The following CTNNA3 variants were observed in gnomAD, a reference collection of about 807,000 sequenced individuals.
CTNNA3 encodes catenin alpha 3.
Under a neutral mutation model 95.7 loss-of-function variants are expected in CTNNA3, and 76 were observed. The ratio of observed to expected loss-of-function variants is 0.79; its 90% CI spans 0.66 to 0.96. The LOEUF (loss-of-function observed/expected upper bound fraction) is 0.96, where lower values mean the gene tolerates loss of function less well. CTNNA3 is among the 40% of genes least tolerant of loss of function. The pLI, the probability that CTNNA3 is intolerant of heterozygous loss-of-function variation, is 0.00. For synonymous variants in CTNNA3, 431 were observed against 374.4 expected (o/e 1.15, Z -1.74); for missense variants, 1,191 against 1,089.8 (o/e 1.09, Z -1.31).
At chr10:66,528,111 C>A (rs1841333911) in intron 10 of CTNNA3, among the ~76,000 whole-genome samples, 1 of 152,106 alleles carries the variant, frequency 6.6e-6, no homozygotes, top group African/African-American at 2.4e-5. Context: ...CACGCTCGCT[C>A]ATAAGGGCTG....
Position 66,403,497 on chromosome 10 carries a change from C to A in CTNNA3, c.1532-24145G>T, listed in dbSNP as rs117936772. ...GGGGCAACTGCCAAACACTTTTAAA[C>A]CATCAGATCTCATGAGAACTGACTC... On this transcript the variant is annotated intron_variant, in intron 11 of 17. Transcript: ENST00000433211. 2.0e-3 allele frequency among the ~76,000 whole-genome samples: 312 copies of A among 152,246 alleles called. 7 individuals are homozygous for A. The East Asian group carries it at 0.045, about 22-fold the overall frequency.
At chr10:67,300,681 T>C (rs1201959215) in intron 5 of CTNNA3, among the ~76,000 whole-genome samples, 1 of 152,206 alleles carries the variant, frequency 6.6e-6, no homozygotes, top group Non-Finnish European at 1.5e-5. Flanking sequence ...GACCAACATA[T>C]TAAACCCTAA....
At chr10:67,575,478 T>A (rs529915765) in intron 3 of CTNNA3, among the ~76,000 whole-genome samples, 11 of 152,290 alleles carry the variant, frequency 7.2e-5, no homozygotes, top group African/African-American at 2.6e-4. Context: ...TCAAATTATG[T>A]TGTGAAAAAA....
chr10:66,274,926 T>A (rs2091359063), intron 13 of CTNNA3, among the ~76,000 whole-genome samples: 2 of 152,254 alleles, frequency 1.3e-5, no homozygotes, highest in Admixed American at 6.5e-5. Flanking sequence ...GTATTATAAT[T>A]TTCAGAGTAT....
intron 5 of CTNNA3, among the ~76,000 whole-genome samples, chr10:67,233,156 C>T (rs1052423861): frequency 6.6e-5 from 10 of 152,134 alleles, no homozygotes; most frequent in Admixed American, 1.3e-4. Context: ...CCGCACCAAG[C>T]GGACCTAATA....
intron 13 of CTNNA3, among the ~76,000 whole-genome samples, chr10:66,129,378 TG>T (rs1323963145): frequency 6.6e-6 from 1 of 152,174 alleles, no homozygotes; most frequent in African/African-American, 2.4e-5. Context: ...ACCATGGCAT[TG>T]GAGTTGCCAG....
At position 67,306,345 on chromosome 10, in the gene CTNNA3, T is replaced by C. The variant is rs984591079; in HGVS notation, c.580-86475A>G. Among the ~76,000 whole-genome samples, 10 of 152,286 alleles carry C rather than the reference T, an allele frequency of 6.6e-5. No homozygotes were observed. The South Asian group carries it at 2.1e-3, about 32-fold the overall frequency. On this transcript the variant is annotated intron_variant, in intron 5 of 17. Transcript: ENST00000433211. ...AGACACTACTGACACAAAATGTCTT[T>C]TAAATAATATGTTGGAATAAACTCC...
chr10:65,948,647 T>C (rs2077562080), intron 17 of CTNNA3, among the ~76,000 whole-genome samples: 1 of 152,206 alleles, frequency 6.6e-6, no homozygotes, highest in Admixed American at 6.5e-5. Context: ...TGAAATTTAA[T>C]GTAACTTCAG....
At chr10:66,347,041 A>G (rs1388974159) in intron 12 of CTNNA3, among the ~76,000 whole-genome samples, 2 of 152,244 alleles carry the variant, frequency 1.3e-5, no homozygotes, top group Admixed American at 1.3e-4. Flanking sequence ...CCTGAAAAAA[A>G]TTCATGTACT....
intron 12 of CTNNA3, among the ~76,000 whole-genome samples, chr10:66,333,659 A>C (rs2092359228): frequency 6.6e-6 from 1 of 151,690 alleles, no homozygotes; most frequent in South Asian, 2.1e-4. Context: ...CTATGTGGTC[A>C]ATTTTGGAAT....
intron 1 of CTNNA3, among the ~76,000 whole-genome samples, chr10:67,653,621 A>T (rs1839938207): frequency 6.6e-6 from 1 of 152,150 alleles, no homozygotes; most frequent in Non-Finnish European, 1.5e-5. Flanking sequence ...TTTATGTCAT[A>T]TATAGTCCCT....
In CTNNA3 at chr10:66,118,474, C is replaced by A. The variant is rs185286013; in HGVS notation, c.1885-15225G>T. ...TTCTTAAAATCAATCATTCTTTTTA[C>A]AACATGACCGAAATAAGTCCCAGGC... On this transcript the variant is annotated intron_variant, in intron 13 of 17. Transcript: ENST00000433211. 4.6e-5 allele frequency: 7 copies of A among 152,286 alleles called. No individual in the cohort carries two copies. In the East Asian group the frequency reaches 1.3e-3, roughly 29 times the overall value. The allele number at this position is 152,286 out of a possible 1,614,324, so 9.4% of individuals were successfully genotyped here. A position where few individuals can be genotyped will look rare whatever the true frequency, so the allele number is the denominator to read the frequency against.
At chr10:67,527,922 G>A (rs1840199852) in intron 4 of CTNNA3, among the ~76,000 whole-genome samples, 1 of 152,186 alleles carries the variant, frequency 6.6e-6, no homozygotes, top group Admixed American at 6.5e-5. Flanking sequence ...GAAAAACACT[G>A]GGAAAGCTTC....
At chr10:67,045,429 G>C (rs986776540) in intron 7 of CTNNA3, among the ~76,000 whole-genome samples, 4 of 151,966 alleles carry the variant, frequency 2.6e-5, no homozygotes, top group African/African-American at 4.8e-5. Flanking sequence ...TGTTGTTGTT[G>C]TTTGTTGTTG....
At chr10:67,337,866 G>A (rs1232097051) in intron 5 of CTNNA3, among the ~76,000 whole-genome samples, 2 of 152,120 alleles carry the variant, frequency 1.3e-5, no homozygotes, top group African/African-American at 4.8e-5. Flanking sequence ...TAATGCAATT[G>A]CACACTTAAT....
chr10:66,203,144 A>C (rs1420758399), intron 13 of CTNNA3, among the ~76,000 whole-genome samples: 3 of 152,206 alleles, frequency 2.0e-5, no homozygotes, highest in Admixed American at 2.0e-4. Flanking sequence ...TAGAAGATCC[A>C]ACCATTAATG....
At chr10:66,908,440 A>G (rs778376642) in intron 7 of CTNNA3, among the ~76,000 whole-genome samples, 1 of 152,126 alleles carries the variant, frequency 6.6e-6, no homozygotes, top group Non-Finnish European at 1.5e-5. Flanking sequence ...ATTGCATTTC[A>G]CCTGCTTTAC....
chr10:66,029,843 G>A (rs1403731052), intron 15 of CTNNA3, among the ~76,000 whole-genome samples: 1 of 152,048 alleles, frequency 6.6e-6, no homozygotes, highest in Non-Finnish European at 1.5e-5. Context: ...CTTCATGAGT[G>A]GCACACAACT....
chr10:67,322,558 A>AT (rs922629409), intron 5 of CTNNA3, among the ~76,000 whole-genome samples: 4 of 152,088 alleles, frequency 2.6e-5, no homozygotes, highest in Admixed American at 2.0e-4. Flanking sequence ...ACATGATCAC[A>AT]TTTTTTATAG....
Sources: gnomAD v4.1 joint callset for allele counts (sites outside exome capture counted in the v4.1 genomes callset) on GRCh38, gnomAD v4.1.1 for gene constraint, MANE v1.5 for transcripts, NCBI Gene and HGNC (gene_info 2026-07-23, HGNC 2026-07-21) for gene names.